The following FBXO40 variants were observed in gnomAD, a reference collection of about 807,000 sequenced individuals.
FBXO40 encodes the protein F-box only protein 40.
A neutral mutation model predicts 49.9 loss-of-function variants in FBXO40; 50 were observed. That is an observed-to-expected ratio of 1.00 (90% CI 0.80 to 1.27). The LOEUF (loss-of-function observed/expected upper bound fraction) is 1.27, where lower values mean the gene tolerates loss of function less well. Among genes scored for constraint, FBXO40 ranks in the 50% most tolerant of loss-of-function variants. The probability of loss-of-function intolerance (pLI) is 0.00; values close to 1 mark genes in which losing one functional copy is unlikely to be tolerated. For missense variants in FBXO40, 895 were observed against 870.1 expected (o/e 1.03, Z -0.36); for synonymous variants, 340 against 320.2 (o/e 1.06, Z -0.66).
chr3:121,613,701 C>A (rs1242935678), intron 1 of FBXO40, among the ~76,000 whole-genome samples: 2 of 152,138 alleles, frequency 1.3e-5, no homozygotes, highest in Non-Finnish European at 2.9e-5. Flanking sequence ...CTTGTAACTG[C>A]AGTAATGGAG....
At chr3:121,607,300 C>CTTT (rs555162944) in intron 1 of FBXO40, among the ~76,000 whole-genome samples, 2,997 of 60,348 alleles carry the variant, frequency 0.05, 30 homozygotes, top group African/African-American at 0.074. Context: ...CTCTAAAGCT[C>CTTT]TTTTTTTTTT....
chr3:121,620,528 A>T lies in FBXO40; in HGVS notation c.-30-18A>T. On this transcript the variant is annotated intron_variant, in intron 1 of 3. Transcript: ENST00000338040. ...ACTGTTTTTCTTACTAATTATTTAT[A>T]TTCATATTTTCCCGTAGAGCTAAGA... is the stretch of plus-strand genomic sequence containing the variant. 1 of 1,611,774 alleles carries T rather than the reference A, an allele frequency of 6.2e-7. No individual in the cohort carries two copies. Among genetic ancestry groups the T allele is most frequent in the Non-Finnish European group, 8.5e-7 (1 of 1,178,032 alleles).
At chr3:121,595,965 G>A (rs1324617641) in intron 1 of FBXO40, among the ~76,000 whole-genome samples, 3 of 152,198 alleles carry the variant, frequency 2.0e-5, no homozygotes, top group African/African-American at 7.2e-5. Context: ...CTGACATCAT[G>A]TGAGGGGTGC....
At chr3:121,616,893 G>T (rs1465821159) in intron 1 of FBXO40, among the ~76,000 whole-genome samples, 2 of 151,804 alleles carry the variant, frequency 1.3e-5, no homozygotes, top group Non-Finnish European at 2.9e-5. Context: ...AAAAATGAGA[G>T]GTCTTAAAGC....
intron 1 of FBXO40, among the ~76,000 whole-genome samples, chr3:121,602,685 A>G (rs1027773964): frequency 6.6e-6 from 1 of 152,140 alleles, no homozygotes; most frequent in Non-Finnish European, 1.5e-5. Flanking sequence ...TAACACCCCA[A>G]TTACAGTGTT....
At position 121,594,061 on chromosome 3, in the gene FBXO40, T is replaced by A. The variant is rs776428071; in HGVS notation, c.-31+559T>A. Among the ~76,000 whole-genome samples the A allele has an allele frequency of 6.6e-5, 10 of 152,154 alleles. 1 individual carries two copies. Among genetic ancestry groups the A allele is most frequent in the Middle Eastern group, 3.4e-3 (1 of 294 alleles). Reference sequence around the variant, plus strand: ...TTGTATTTTTTTAGTAGAGACAGAGTTTCACCTTGATGGCTAGGCTGGTCT... The same window carrying A: ...TTGTATTTTTTTAGTAGAGACAGAGATTCACCTTGATGGCTAGGCTGGTCT... On this transcript the variant is annotated intron_variant, in intron 1 of 3. Transcript: ENST00000338040.
At position 121,608,936 on chromosome 3, in the gene FBXO40, C is replaced by T. The variant is rs2048950045; in HGVS notation, c.-30-11610C>T. On this transcript the variant is annotated intron_variant, in intron 1 of 3. Transcript: ENST00000338040. ...CTAAGGCTGGAGCAGAGCCCAATTT[C>T]GCTTTGACAGTATTGAAGTTTTGTC... 2.0e-5 allele frequency among the ~76,000 whole-genome samples: 3 copies of T among 152,200 alleles called. No homozygotes were observed. In the South Asian group the frequency reaches 6.2e-4, roughly 31 times the overall value.
rs138993487 is a variant in FBXO40 at position 121,597,526 on chromosome 3, G to A, written c.-31+4024G>A. On this transcript the variant is annotated intron_variant, in intron 1 of 3. Transcript: ENST00000338040. Reference sequence around the variant, plus strand: ...CCAGACATGGCTACAGGAGGGCAGTGGGAACACATGAAGGCCTGGAGGAGG... The same window carrying A: ...CCAGACATGGCTACAGGAGGGCAGTAGGAACACATGAAGGCCTGGAGGAGG... Among the ~76,000 whole-genome samples the A allele has an allele frequency of 2.3e-3, 344 of 152,226 alleles. 1 individual carries two copies. Among genetic ancestry groups the A allele is most frequent in the African/African-American group, 7.4e-3 (309 of 41,544 alleles).
intron 1 of FBXO40, among the ~76,000 whole-genome samples, chr3:121,611,851 A>C (rs566936829): frequency 2.0e-4 from 30 of 152,334 alleles, no homozygotes; most frequent in African/African-American, 3.8e-4. Flanking sequence ...TTTACCAAGT[A>C]TACTGCTTGT....
chr3:121,616,013 T>C (rs541008864), intron 1 of FBXO40, among the ~76,000 whole-genome samples: 1 of 152,326 alleles, frequency 6.6e-6, no homozygotes, highest in South Asian at 2.1e-4. Flanking sequence ...ACCCTCACAC[T>C]GGGAATTAGA....
chr3:121,614,269 CAA>C (rs35824526), intron 1 of FBXO40, among the ~76,000 whole-genome samples: 24 of 77,600 alleles, frequency 3.1e-4, no homozygotes, highest in South Asian at 2.4e-3. Context: ...GACTCTAGCT[CAA>C]AAAAAAAAAA....
rs150400869 is a variant in FBXO40, at chr3:121,599,221, A to G, written c.-31+5719A>G. Among the ~76,000 whole-genome samples the G allele has an allele frequency of 6.9e-3, 1,047 of 152,274 alleles. 7 individuals are homozygous for G. Among genetic ancestry groups the G allele is most frequent in the Non-Finnish European group, 9.3e-3 (633 of 68,026 alleles). ...GGTGGCTCACACCTGTAATCCTAGC[A>G]CGTTGGGAGGCCGAGGTGGGCGGAT... is the stretch of plus-strand genomic sequence containing the variant. On this transcript the variant is annotated intron_variant, in intron 1 of 3. Transcript: ENST00000338040.
rs145585182 is a variant in FBXO40 at position 121,595,343 on chromosome 3, G to A, written c.-31+1841G>A. ...GTGTATGCTGGGATGCTGTCCTGGT[G>A]AAACTAGGGTGTGTTGGCTTACAAG... On this transcript the variant is annotated intron_variant, in intron 1 of 3. Coordinates refer to ENST00000338040, the MANE Select transcript of FBXO40 (RefSeq NM_016298.4). Among the ~76,000 whole-genome samples, 51 of 152,318 alleles carry A rather than the reference G, an allele frequency of 3.3e-4. No individual in the cohort carries two copies. In the East Asian group the frequency reaches 9.8e-3, roughly 29 times the overall value.
rs532900090 is a variant in FBXO40, at chr3:121,622,321, C to A, written c.892C>A (p.Leu298Met). The change falls in exon 3 of 4, where the codon CTG becomes ATG. Residue 298 changes from leucine (L) to methionine (M), a missense_variant. Physicochemically the swap from Leu to Met is conservative, Grantham distance 15. Coordinates refer to ENST00000338040, the MANE Select transcript of FBXO40 (RefSeq NM_016298.4). Reference protein sequence around the residue: ...APWQDGVLERLKTAVDAKDYN... With the variant: ...APWQDGVLERMKTAVDAKDYN... ...TTGGCAGGATGGTGTTCTGGAAAGA[C>A]TGAAAACAGCTGTGGATGCAAAGGA... The A allele has an allele frequency of 6.2e-7, 1 of 1,614,234 alleles. No individual in the cohort carries two copies. Among genetic ancestry groups the A allele is most frequent in the African/African-American group, 1.3e-5 (1 of 75,064 alleles).
chr3:121,613,653 A>C (rs1288161441), intron 1 of FBXO40, among the ~76,000 whole-genome samples: 1 of 152,222 alleles, frequency 6.6e-6, no homozygotes, highest in Non-Finnish European at 1.5e-5. Context: ...GGGCGTTTCT[A>C]ATCTTGTCAC....
chr3:121,626,683 C>T lies in FBXO40; in HGVS notation c.1915-12C>T. The T allele has an allele frequency of 6.2e-7, 1 of 1,613,586 alleles. No individual in the cohort carries two copies. The highest frequency in any genetic ancestry group is 8.5e-7 in the Non-Finnish European group (1 of 1,179,526). Reference sequence around the variant, plus strand: ...CCTATATTCACCTTTGAACTTCTATCTTTCTCAACAGATCTGGCAGTTCAG... The same window carrying T: ...CCTATATTCACCTTTGAACTTCTATTTTTCTCAACAGATCTGGCAGTTCAG... On this transcript the variant is annotated splice_polypyrimidine_tract_variant and intron_variant, in intron 3 of 3. Coordinates refer to ENST00000338040, the MANE Select transcript of FBXO40 (RefSeq NM_016298.4).
intron 1 of FBXO40, among the ~76,000 whole-genome samples, chr3:121,597,082 T>C (rs1421823351): frequency 6.6e-6 from 1 of 152,178 alleles, no homozygotes; most frequent in African/African-American, 2.4e-5. Context: ...GTGCCCATCA[T>C]TGGAACCTCT....
chr3:121,619,098 C>T (rs897463291), intron 1 of FBXO40, among the ~76,000 whole-genome samples: 4 of 151,858 alleles, frequency 2.6e-5, no homozygotes, highest in Admixed American at 6.6e-5. Flanking sequence ...CAGGCTCAAG[C>T]GATCCTCCCA....
At chr3:121,602,492 C>CT (rs1163279471) in intron 1 of FBXO40, among the ~76,000 whole-genome samples, 4 of 152,100 alleles carry the variant, frequency 2.6e-5, no homozygotes, top group Non-Finnish European at 4.4e-5. Flanking sequence ...ACTTTGTTTC[C>CT]TTTTTTACCA....
Sources: gnomAD v4.1 joint callset for allele counts (sites outside exome capture counted in the v4.1 genomes callset) on GRCh38, gnomAD v4.1.1 for gene constraint, MANE v1.5 for transcripts, NCBI Gene and HGNC (gene_info 2026-07-23, HGNC 2026-07-21) for gene names.